PBX1: variants seen among roughly 807,000 people sequenced by gnomAD.
The protein encoded by PBX1 is pre-B-cell leukemia transcription factor 1.
A neutral mutation model predicts 53.4 loss-of-function variants in PBX1; 6 were observed. The observed-to-expected ratio is 0.11, with a 90% CI of 0.06 to 0.22. PBX1 has a LOEUF of 0.22. Among genes scored for constraint, PBX1 ranks in the 10% least tolerant of loss-of-function variants. The probability of loss-of-function intolerance (pLI) is 1.00; values close to 1 mark genes in which losing one functional copy is unlikely to be tolerated. For missense variants in PBX1, 251 were observed against 551.4 expected, an observed-to-expected ratio of 0.46 and a Z score of 5.46; for synonymous variants, 204 against 212.3, an observed-to-expected ratio of 0.96 and a Z score of 0.34.
chr1:164,615,893 C>T (rs943322360), intron 2 of PBX1, among the ~76,000 whole-genome samples: 1 of 152,074 alleles, frequency 6.6e-6, no homozygotes, highest in Non-Finnish European at 1.5e-5. Context: ...ATTTGGCCTC[C>T]CTGGGTTGGA....
At chr1:164,583,758 C>T (rs1654778409) in intron 2 of PBX1, among the ~76,000 whole-genome samples, 1 of 152,080 alleles carries the variant, frequency 6.6e-6, no homozygotes, top group South Asian at 2.1e-4. Context: ...CTCCTTTCTC[C>T]TCTTCCTTCT....
At chr1:164,861,675 G>A (rs1184098286) in intron 2 of PBX1, among the ~76,000 whole-genome samples, 1 of 152,160 alleles carries the variant, frequency 6.6e-6, no homozygotes, top group Non-Finnish European at 1.5e-5. Context: ...AAGGGAAAGA[G>A]GTAAGAAAGG....
At chr1:164,862,376 T>C (rs1469408679) in intron 2 of PBX1, among the ~76,000 whole-genome samples, 1 of 152,206 alleles carries the variant, frequency 6.6e-6, no homozygotes, top group East Asian at 1.9e-4. Context: ...CACAGCACCC[T>C]ATTTATCCCT....
rs551521750 is a variant in PBX1, at chr1:164,687,790, A to G, written c.266-104704A>G. ...AACATAACCAGCATTGGCTTCTGGC[A>G]CTTAGTTCTGAGTTCTTTCCGAAGA... On this transcript the variant is annotated intron_variant, in intron 2 of 8. Coordinates refer to ENST00000420696, the MANE Select transcript of PBX1 (RefSeq NM_002585.4). Among the ~76,000 whole-genome samples the G allele has an allele frequency of 1.4e-4, 22 of 152,296 alleles. 1 individual carries two copies. Among genetic ancestry groups the G allele is most frequent in the African/African-American group, 5.3e-4 (22 of 41,574 alleles).
At chr1:164,618,159 C>T (rs1319268819) in intron 2 of PBX1, among the ~76,000 whole-genome samples, 4 of 152,150 alleles carry the variant, frequency 2.6e-5, no homozygotes, top group African/African-American at 4.8e-5. Context: ...GTGGCATTGT[C>T]GTAACTCTGT....
At chr1:164,829,082 C>A (rs992629879) in intron 8 of PBX1, 1 of 152,050 alleles carries the variant, frequency 6.6e-6, no homozygotes, top group Non-Finnish European at 1.5e-5. Context: ...ATTTCCAGTA[C>A]CAGGAATACA....
At chr1:164,696,055 C>G (rs1020154510) in intron 2 of PBX1, among the ~76,000 whole-genome samples, 3 of 152,112 alleles carry the variant, frequency 2.0e-5, no homozygotes, top group African/African-American at 7.2e-5. Flanking sequence ...CATTGAATGT[C>G]TAGCTGGGAG....
intron 2 of PBX1, among the ~76,000 whole-genome samples, chr1:164,689,695 T>C (rs1662348178): frequency 6.6e-6 from 1 of 152,226 alleles, no homozygotes; most frequent in Admixed American, 6.5e-5. Flanking sequence ...TTAATTACAC[T>C]GAGATGGCCA....
intron 4 of PBX1, among the ~76,000 whole-genome samples, chr1:164,800,146 G>C (rs1041437178): frequency 2.0e-5 from 3 of 152,198 alleles, no homozygotes; most frequent in Non-Finnish European, 2.9e-5. Flanking sequence ...GGTACAGTGA[G>C]ATTTTTTTCT....
At chr1:164,870,608 T>G (rs2102454123) in intron 2 of PBX1, among the ~76,000 whole-genome samples, 1 of 152,208 alleles carries the variant, frequency 6.6e-6, no homozygotes, top group African/African-American at 2.4e-5. Context: ...CCTCCCAAAG[T>G]GCTGGGATTA....
At chr1:164,624,948 T>C (rs1657939992) in intron 2 of PBX1, among the ~76,000 whole-genome samples, 1 of 152,218 alleles carries the variant, frequency 6.6e-6, no homozygotes, top group Non-Finnish European at 1.5e-5. Flanking sequence ...TTTATAAAGA[T>C]TTTCTTAAAG....
intron 4 of PBX1, among the ~76,000 whole-genome samples, chr1:164,804,824 C>A (rs1386428411): frequency 6.6e-6 from 1 of 152,180 alleles, no homozygotes; most frequent in South Asian, 2.1e-4. Context: ...AATGAATGAA[C>A]AAATTAGCAA....
At chr1:164,665,441 T>C (rs1199403240) in intron 2 of PBX1, among the ~76,000 whole-genome samples, 2 of 152,140 alleles carry the variant, frequency 1.3e-5, no homozygotes, top group Non-Finnish European at 2.9e-5. Context: ...TGCGCCACTA[T>C]GCCTGGCTAA....
chr1:164,565,678 A>C (rs141646288), intron 2 of PBX1, among the ~76,000 whole-genome samples: 1 of 151,942 alleles, frequency 6.6e-6, no homozygotes, highest in African/African-American at 2.4e-5. Context: ...GGAACCTTCA[A>C]TCTTTTTGCC....
At chr1:164,572,300 A>G (rs553703991) in intron 2 of PBX1, among the ~76,000 whole-genome samples, 7 of 151,948 alleles carry the variant, frequency 4.6e-5, no homozygotes, top group African/African-American at 1.2e-4. Context: ...ATTCTTTTCA[A>G]TCTCTTTCTC....
intron 2 of PBX1, among the ~76,000 whole-genome samples, chr1:164,630,218 C>G (rs73018936): frequency 4.6e-5 from 7 of 152,264 alleles, no homozygotes; most frequent in African/African-American, 1.4e-4. Flanking sequence ...TGGGCATAGA[C>G]AGAAAGATTG....
intron 2 of PBX1, among the ~76,000 whole-genome samples, chr1:164,728,910 G>T (rs1051290242): frequency 6.6e-6 from 1 of 152,210 alleles, no homozygotes; most frequent in Non-Finnish European, 1.5e-5. Context: ...CAGTCAGGAG[G>T]AATTTGATAC....
chr1:164,719,417 C>A (rs1241713216), intron 2 of PBX1, among the ~76,000 whole-genome samples: 1 of 152,120 alleles, frequency 6.6e-6, no homozygotes, highest in Non-Finnish European at 1.5e-5. Flanking sequence ...GAAGTGGTAG[C>A]CATTTTTACT....
intron 5 of PBX1, among the ~76,000 whole-genome samples, chr1:164,809,165 T>C (rs1207765955): frequency 6.6e-6 from 1 of 152,216 alleles, no homozygotes; most frequent in East Asian, 1.9e-4. Context: ...TACTACTGTC[T>C]GAATTCCAAG....
Sources: allele counts gnomAD v4.1 joint callset (sites outside exome capture counted in the v4.1 genomes callset), GRCh38; gene constraint gnomAD v4.1.1; transcripts MANE v1.5; gene names NCBI Gene and HGNC (gene_info 2026-07-23, HGNC 2026-07-21).